GPHN: variants seen among roughly 807,000 people sequenced by gnomAD.
The protein encoded by GPHN is gephyrin.
A neutral mutation model predicts 95.5 loss-of-function variants in GPHN; 17 were observed. The observed-to-expected ratio is 0.18, with a 90% CI of 0.12 to 0.27. GPHN has a LOEUF of 0.27. GPHN is among the 10% of genes least tolerant of loss of function. The probability of loss-of-function intolerance (pLI) is 1.00; values close to 1 mark genes in which losing one functional copy is unlikely to be tolerated. For missense variants in GPHN, 660 were observed against 978.1 expected, an observed-to-expected ratio of 0.67 and a Z score of 4.34; for synonymous variants, 320 against 322.5, an observed-to-expected ratio of 0.99 and a Z score of 0.08.
the GPHN span, among the ~76,000 whole-genome samples, chr14:67,542,650 T>C: frequency 6.6e-6 from 1 of 152,244 alleles, no homozygotes; most frequent in Non-Finnish European, 1.5e-5. Flanking sequence ...CCACCTTTCC[T>C]AATGTTTCTG....
chr14:67,214,993 T>C, the GPHN span, among the ~76,000 whole-genome samples: 1 of 152,176 alleles, frequency 6.6e-6, no homozygotes, highest in African/African-American at 2.4e-5. Flanking sequence ...ATAAGAATGC[T>C]TGTGATTTTT....
At chr14:67,527,386 C>T in the GPHN span, among the ~76,000 whole-genome samples, 1 of 151,986 alleles carries the variant, frequency 6.6e-6, no homozygotes, top group Non-Finnish European at 1.5e-5. Context: ...TGCAGTGAGC[C>T]GATATCGCAC....
chr14:67,647,871 C>T, the GPHN span: 4 of 645,714 alleles, frequency 6.2e-6, no homozygotes, highest in Non-Finnish European at 1.0e-5. Flanking sequence ...GTTAATATTG[C>T]CAATCTCAGT....
intron 8 of GPHN, among the ~76,000 whole-genome samples, chr14:66,945,055 CT>C (rs2067664146): frequency 1.3e-5 from 2 of 152,276 alleles, no homozygotes; most frequent in South Asian, 4.1e-4. Context: ...TGGTACTTAC[CT>C]TTTCTCAAGC....
In GPHN at chr14:66,730,248, G is replaced by C. The variant is rs146870835; in HGVS notation, c.144-46216G>C. ...CGTGGACTCAGTGTCCTTAGAGTCTGCTAGGCTCCATGTGGGTTCTTCCTT... is the reference window on the plus strand; with the variant it reads ...CGTGGACTCAGTGTCCTTAGAGTCTCCTAGGCTCCATGTGGGTTCTTCCTT... On this transcript the variant is annotated intron_variant, in intron 2 of 22. Coordinates refer to ENST00000478722, the MANE Select transcript of GPHN (RefSeq NM_020806.5). Among the ~76,000 whole-genome samples, 308 of 152,266 alleles carry C rather than the reference G, an allele frequency of 2.0e-3. 1 individual carries two copies. Among genetic ancestry groups the C allele is most frequent in the African/African-American group, 7.2e-3 (298 of 41,548 alleles).
chr14:66,891,166 A>G (rs1212567641), intron 5 of GPHN, among the ~76,000 whole-genome samples: 1 of 151,992 alleles, frequency 6.6e-6, no homozygotes, highest in Non-Finnish European at 1.5e-5. Flanking sequence ...ACATGATTAT[A>G]TATGTAGAAA....
intron 3 of GPHN, among the ~76,000 whole-genome samples, chr14:66,782,920 G>A (rs1368278784): frequency 6.6e-6 from 1 of 152,126 alleles, no homozygotes; most frequent in South Asian, 2.1e-4. Context: ...CTGGCTACCT[G>A]GGAACCTCAG....
At chr14:66,799,697 G>T (rs1241992930) in intron 3 of GPHN, among the ~76,000 whole-genome samples, 1 of 151,764 alleles carries the variant, frequency 6.6e-6, no homozygotes, top group Non-Finnish European at 1.5e-5. Context: ...AGTCTATGGT[G>T]TCTTTGTAGG....
intron 1 of GPHN, among the ~76,000 whole-genome samples, chr14:66,626,366 TG>T (rs959348172): frequency 3.5e-4 from 53 of 152,172 alleles, no homozygotes; most frequent in African/African-American, 1.2e-3. Context: ...TAATAAACTT[TG>T]TTCTAAGGCA....
chr14:67,601,726 AC>A, the GPHN span, among the ~76,000 whole-genome samples: 2 of 151,862 alleles, frequency 1.3e-5, no homozygotes, highest in Non-Finnish European at 2.9e-5. Flanking sequence ...ACATGGTGAA[AC>A]CATCTCTACT....
intron 12 of GPHN, among the ~76,000 whole-genome samples, chr14:67,093,030 A>G (rs964150628): frequency 2.0e-5 from 3 of 152,100 alleles, no homozygotes; most frequent in Admixed American, 6.6e-5. Context: ...AAAAAGTTCA[A>G]TTTGAAAGGT....
intron 2 of GPHN, among the ~76,000 whole-genome samples, chr14:66,734,651 T>C (rs188427672): frequency 1.4e-4 from 21 of 152,312 alleles, no homozygotes; most frequent in Admixed American, 2.6e-4. Flanking sequence ...TCAGTAAAAA[T>C]ACTTTTTATG....
At chr14:67,536,329 G>A in the GPHN span, among the ~76,000 whole-genome samples, 1 of 151,786 alleles carries the variant, frequency 6.6e-6, no homozygotes, top group African/African-American at 2.4e-5. Flanking sequence ...CCAGAAACGG[G>A]ACACAAAGCT....
chr14:67,579,992 C>G, the GPHN span: 1 of 967,312 alleles, frequency 1.0e-6, no homozygotes, highest in South Asian at 1.6e-5. Context: ...GTGCTGAGCC[C>G]AAGGTGCTGC....
the GPHN span, chr14:67,685,015 C>A: frequency 6.2e-7 from 1 of 1,605,482 alleles, no homozygotes; most frequent in Non-Finnish European, 8.5e-7. Flanking sequence ...ACATTCATAC[C>A]TGAAATGATT....
At chr14:67,071,391 C>G (rs1339758771) in intron 11 of GPHN, among the ~76,000 whole-genome samples, 1 of 151,812 alleles carries the variant, frequency 6.6e-6, no homozygotes, top group African/African-American at 2.4e-5. Context: ...GGACAGAAAA[C>G]CAAACACCGC....
At chr14:67,039,230 C>G (rs2074578758) in intron 10 of GPHN, among the ~76,000 whole-genome samples, 1 of 152,128 alleles carries the variant, frequency 6.6e-6, no homozygotes, top group African/African-American at 2.4e-5. Flanking sequence ...TCTAAAAGTA[C>G]TTTCAGATCT....
At chr14:67,353,796 CCTT>C in the GPHN span, 3 of 152,200 alleles carry the variant, frequency 2.0e-5, no homozygotes, top group Non-Finnish European at 4.4e-5. Context: ...CGGCCCGACT[CCTT>C]ATTTTTTGAG....
chr14:66,793,748 C>T (rs907128660), intron 3 of GPHN, among the ~76,000 whole-genome samples: 9 of 151,828 alleles, frequency 5.9e-5, no homozygotes, highest in African/African-American at 1.7e-4. Context: ...AGATATTCAT[C>T]GTAAAACCCT....
Sources: allele counts gnomAD v4.1 joint callset (sites outside exome capture counted in the v4.1 genomes callset), GRCh38; gene constraint gnomAD v4.1.1; transcripts MANE v1.5; gene names NCBI Gene and HGNC (gene_info 2026-07-23, HGNC 2026-07-21).